BCR: variants seen among roughly 807,000 people sequenced by gnomAD.
BCR encodes the protein breakpoint cluster region protein.
A neutral mutation model predicts 138.6 loss-of-function variants in BCR; 58 were observed. The observed-to-expected ratio is 0.42, with a 90% CI of 0.34 to 0.52. The LOEUF is 0.52. Ranked by LOEUF, BCR falls within the 20% of genes least tolerant of loss-of-function variation. BCR has a pLI of 0.06. For missense variants in BCR, 1,599 were observed against 1,727.2 expected, an observed-to-expected ratio of 0.93 and a Z score of 1.32; for synonymous variants, 786 against 730.1, an observed-to-expected ratio of 1.08 and a Z score of -1.23.
At chr22:23,244,641 G>A (rs781612680) in intron 1 of BCR, among the ~76,000 whole-genome samples, 16 of 152,178 alleles carry the variant, frequency 1.1e-4, no homozygotes, top group Non-Finnish European at 1.9e-4. Context: ...CTGGGTGTGC[G>A]GTGCTCACCA....
intron 8 of BCR, among the ~76,000 whole-genome samples, chr22:23,275,620 T>C (rs964082963): frequency 1.3e-5 from 2 of 152,262 alleles, no homozygotes; most frequent in African/African-American, 4.8e-5. Context: ...GCCCTGCCCT[T>C]GGTTCTCTTC....
chr22:23,216,285 C>T (rs6003561), intron 1 of BCR, among the ~76,000 whole-genome samples: 11,226 of 152,250 alleles, frequency 0.074, 1,271 homozygotes, highest in African/African-American at 0.24. Flanking sequence ...TTACATTGTT[C>T]AAGAGGCATC....
At chr22:23,227,407 A>C (rs2072907646) in intron 1 of BCR, among the ~76,000 whole-genome samples, 1 of 152,216 alleles carries the variant, frequency 6.6e-6, no homozygotes, top group South Asian at 2.1e-4. Flanking sequence ...CCTGTGGTCC[A>C]GCCCTCTGCA....
chr22:23,205,654 T>TC (rs2072604416), intron 1 of BCR, among the ~76,000 whole-genome samples: 1 of 152,008 alleles, frequency 6.6e-6, no homozygotes, highest in African/African-American at 2.4e-5. Flanking sequence ...TTTTTTTTTT[T>TC]TTTTTTTACT....
intron 4 of BCR, chr22:23,264,089 C>T (rs566126609): frequency 7.2e-7 from 1 of 1,387,120 alleles, no homozygotes; most frequent in Non-Finnish European, 1.0e-6. Flanking sequence ...ACTGCCGCAC[C>T]AGTGTCCGGA....
chr22:23,306,521 T>C (rs1029570682), intron 16 of BCR, among the ~76,000 whole-genome samples: 3 of 152,212 alleles, frequency 2.0e-5, no homozygotes, highest in Non-Finnish European at 4.4e-5. Context: ...AACAGGAAAC[T>C]AGCCACTTGA....
rs754717391 is a variant in BCR, at chr22:23,292,616, C to A, written c.2858C>A (p.Thr953Lys). 6.2e-7 allele frequency: 1 copy of A among 1,612,544 alleles called. No homozygotes were observed. Among genetic ancestry groups the A allele is most frequent in the Non-Finnish European group, 8.5e-7 (1 of 1,179,106 alleles). The change falls in exon 15 of 23, where the codon ACA (threonine) becomes AAA (lysine). Residue 953 changes from threonine to lysine, a missense_variant. Physicochemically the swap from Thr to Lys is moderately conservative, Grantham distance 78. Transcript: ENST00000305877. ...NKAKTRVYRDTAEPNWNEEFE... is the reference protein window; with the variant it reads ...NKAKTRVYRDKAEPNWNEEFE... ...GCAAAGACGCGCGTCTACAGGGACACAGCTGAGCCAAACTGGAACGAGGTG... is the reference window on the plus strand; with the variant it reads ...GCAAAGACGCGCGTCTACAGGGACAAAGCTGAGCCAAACTGGAACGAGGTG...
intron 8 of BCR, among the ~76,000 whole-genome samples, chr22:23,279,996 G>A (rs1453621938): frequency 6.6e-6 from 1 of 152,196 alleles, no homozygotes; most frequent in East Asian, 1.9e-4. Flanking sequence ...GACATGGAGA[G>A]AGAAAAGGAC....
At chr22:23,260,866 G>T (rs775542219) in intron 2 of BCR, 84 bp from the exon 3 acceptor site, 1 of 1,294,950 alleles carries the variant, frequency 7.7e-7, no homozygotes. Flanking sequence ...AGGTCAACAA[G>T]CTGGCCCTCC....
At chr22:23,234,198 T>A (rs1220094713) in intron 1 of BCR, among the ~76,000 whole-genome samples, 1 of 152,196 alleles carries the variant, frequency 6.6e-6, no homozygotes, top group Non-Finnish European at 1.5e-5. Context: ...CCTTGAGTTG[T>A]GTTTTTCTGC....
chr22:23,279,751 A>AAGT (rs2073621598), intron 8 of BCR, among the ~76,000 whole-genome samples: 1 of 152,316 alleles, frequency 6.6e-6, no homozygotes, highest in Non-Finnish European at 1.5e-5. Flanking sequence ...GTACCTGGGG[A>AAGT]AGTTTTCCAG....
chr22:23,282,187 A>C (rs2073653898), intron 8 of BCR, among the ~76,000 whole-genome samples: 2 of 152,334 alleles, frequency 1.3e-5, no homozygotes, highest in South Asian at 4.1e-4. Flanking sequence ...GACCCTACCC[A>C]GATCTGGTCC....
Position 23,263,890 on chromosome 22 carries a change from G to A in BCR, c.1752+2350G>A, listed in dbSNP as rs1365516500. On this transcript the variant is annotated intron_variant, in intron 4 of 22. Transcript: ENST00000305877. ...TCTGTTGCTATCAGGCCATTACTCA[G>A]CTCTTTTGTGACAGGGACGGCTTGT... 5 of 962,906 alleles carry A rather than the reference G, an allele frequency of 5.2e-6. No individual in the cohort carries two copies. In the East Asian group the frequency reaches 1.2e-4, roughly 23 times the overall value. The allele number at this position is 962,906 out of a possible 1,614,324, so 59.6% of individuals were successfully genotyped here. A position where few individuals can be genotyped will look rare whatever the true frequency, so the allele number is the denominator to read the frequency against.
intron 9 of BCR, among the ~76,000 whole-genome samples, chr22:23,284,771 C>G (rs1308070171): frequency 6.6e-6 from 1 of 152,184 alleles, no homozygotes; most frequent in African/African-American, 2.4e-5. Flanking sequence ...AGCCTTCAAC[C>G]TTAGAGCCAG....
rs572133798 is a variant in BCR, at chr22:23,274,447, C to T, written c.2115+673C>T. ...GGCAGGTAGCAGCTACTGAGAACAG[C>T]CAAGGCGTGTAAGCTGGGGAGCCAG... On this transcript the variant is annotated intron_variant, in intron 8 of 22. Transcript: ENST00000305877. Among the ~76,000 whole-genome samples the T allele has an allele frequency of 7.9e-5, 12 of 152,342 alleles. No homozygotes were observed. The South Asian group carries it at 2.5e-3, about 32-fold the overall frequency.
At chr22:23,250,189 C>G (rs2073208310) in intron 1 of BCR, among the ~76,000 whole-genome samples, 1 of 152,238 alleles carries the variant, frequency 6.6e-6, no homozygotes, top group Non-Finnish European at 1.5e-5. Flanking sequence ...CCCCGAAGTT[C>G]TTGCTGGGCT....
chr22:23,274,006 C>T (rs1322710027), intron 8 of BCR, among the ~76,000 whole-genome samples: 1 of 152,214 alleles, frequency 6.6e-6, no homozygotes, highest in Non-Finnish European at 1.5e-5. Flanking sequence ...ATGCCTCACT[C>T]AGCCACCTCT....
At position 23,181,909 on chromosome 22, in the gene BCR, T is replaced by TC; in HGVS notation, c.955dup (p.Arg319ProfsTer4). On this transcript the variant is annotated frameshift_variant, in exon 1 of 23. Coordinates refer to ENST00000305877, the MANE Select transcript of BCR (RefSeq NM_004327.4). LOFTEE classifies it high-confidence loss of function. ...CCTTACCTGGCCCCGCAGGTCCTAC[T>TC]CCCCCCGGAGTTTTGAGGATTGCGG... The TC allele has an allele frequency of 1.2e-6, 2 of 1,613,274 alleles. No homozygotes were observed. Among genetic ancestry groups the TC allele is most frequent in the Non-Finnish European group, 8.5e-7 (1 of 1,179,894 alleles).
chr22:23,185,697 CAGA>C (rs956648038), intron 1 of BCR, among the ~76,000 whole-genome samples: 1 of 149,936 alleles, frequency 6.7e-6, no homozygotes, highest in African/African-American at 2.5e-5. Flanking sequence ...GCGGAACTCA[CAGA>C]AGGAGAGTGT....
Sources: gnomAD v4.1 joint callset for allele counts (sites outside exome capture counted in the v4.1 genomes callset) on GRCh38, gnomAD v4.1.1 for gene constraint, MANE v1.5 for transcripts, NCBI Gene and HGNC (gene_info 2026-07-23, HGNC 2026-07-21) for gene names.